Variants in SLC36A2 observed in about 807,000 individuals in gnomAD.
SLC36A2 encodes the protein proton-coupled amino acid transporter 2.
A neutral mutation model predicts 42.7 loss-of-function variants in SLC36A2; 39 were observed. The ratio of observed to expected loss-of-function variants is 0.91; its 90% CI spans 0.71 to 1.19. The LOEUF (loss-of-function observed/expected upper bound fraction) is 1.19, where lower values mean the gene tolerates loss of function less well. Ranked by LOEUF, SLC36A2 falls within the 50% of genes most tolerant of loss-of-function variation. The probability of loss-of-function intolerance (pLI) is 0.00; values close to 1 mark genes in which losing one functional copy is unlikely to be tolerated. For synonymous variants in SLC36A2, 237 were observed against 240.8 expected, an observed-to-expected ratio of 0.98 and a Z score of 0.15; for missense variants, 590 against 613.7, an observed-to-expected ratio of 0.96 and a Z score of 0.41.
At chr5:151,325,705 A>G (rs1580848329) in intron 7 of SLC36A2, among the ~76,000 whole-genome samples, 1 of 152,196 alleles carries the variant, frequency 6.6e-6, no homozygotes, top group African/African-American at 2.4e-5. Context: ...CTTAAAAAAG[A>G]AGGAAGTTTT....
At chr5:151,333,353 C>A in intron 6 of SLC36A2, 31 bp from the exon 7 acceptor site, 1 of 1,583,662 alleles carries the variant, frequency 6.3e-7, no homozygotes, top group South Asian at 1.1e-5. Flanking sequence ...ATGAGACAGT[C>A]ACTCTTAAAG....
At chr5:151,323,396 A>G (rs1474212464) in intron 8 of SLC36A2, among the ~76,000 whole-genome samples, 1 of 152,098 alleles carries the variant, frequency 6.6e-6, no homozygotes, top group Non-Finnish European at 1.5e-5. Context: ...CTCCATTTCC[A>G]TCTGTTCAAA....
Position 151,322,043 on chromosome 5 carries a change from C to G in SLC36A2, c.1180+3G>C. The G allele has an allele frequency of 6.2e-7, 1 of 1,614,174 alleles. No homozygotes were observed. The highest frequency in any genetic ancestry group is 1.1e-5 in the South Asian group (1 of 91,066). ...GGAACACTGCACTCTCCTTTCTACT[C>G]ACATGTCAGGCAGACCATGACGAGG... On this transcript the variant is annotated splice_donor_region_variant and intron_variant, in intron 9 of 9. Coordinates refer to ENST00000335244, the MANE Select transcript of SLC36A2 (RefSeq NM_181776.3).
At chr5:151,324,349 T>TTTA (rs1755792478) in intron 8 of SLC36A2, among the ~76,000 whole-genome samples, 1 of 126,594 alleles carries the variant, frequency 7.9e-6, no homozygotes, top group African/African-American at 2.8e-5. Context: ...TTATTTATTT[T>TTTA]GAGATGGAGT....
chr5:151,347,417 G>A lies in SLC36A2; in HGVS notation c.44C>T (p.Ala15Val). 1 of 1,614,196 alleles carries A rather than the reference G, an allele frequency of 6.2e-7. No individual in the cohort carries two copies. The highest frequency in any genetic ancestry group is 8.5e-7 in the Non-Finnish European group (1 of 1,180,032). Residue 15 changes from alanine (A) to valine (V), a missense_variant, in exon 1 of 10, where the codon GCC becomes GTC. Coordinates refer to ENST00000335244, the MANE Select transcript of SLC36A2 (RefSeq NM_181776.3). Reference protein sequence around the residue: ...KSTEGPQGAVAIKLDLMSPPE... With the variant: ...KSTEGPQGAVVIKLDLMSPPE... ...AGGCGACATAAGGTCCAATTTGATG[G>A]CAACGGCTCCCTGGGGACCCTCAGT...
chr5:151,325,498 A>G, intron 7 of SLC36A2, 46 bp from the exon 8 acceptor site: 1 of 1,603,384 alleles, frequency 6.2e-7, no homozygotes, highest in Non-Finnish European at 8.5e-7. Context: ...TAACATGAAC[A>G]AAAAGAAAAA....
At chr5:151,325,265 C>T (rs779372904) in intron 8 of SLC36A2, 21 bp downstream of exon 8, 3 of 1,611,358 alleles carry the variant, frequency 1.9e-6, no homozygotes, top group Non-Finnish European at 2.5e-6. Context: ...GTCCCCACCA[C>T]CTGACAGCCC....
chr5:151,340,110 GGAA>G (rs1185519365), intron 4 of SLC36A2, among the ~76,000 whole-genome samples: 2 of 131,818 alleles, frequency 1.5e-5, no homozygotes, highest in Non-Finnish European at 1.5e-5. Context: ...AGAAGGAGGA[GGAA>G]GAAGAGGAGG....
intron 7 of SLC36A2, among the ~76,000 whole-genome samples, chr5:151,332,265 T>C (rs990956836): frequency 6.6e-6 from 1 of 152,186 alleles, no homozygotes; most frequent in African/African-American, 2.4e-5. Flanking sequence ...TGATAAGGAT[T>C]TTGTATCTGG....
At chr5:151,342,856 A>AC in intron 4 of SLC36A2, 32 bp downstream of exon 4, 1 of 1,577,708 alleles carries the variant, frequency 6.3e-7, no homozygotes, top group Non-Finnish European at 8.7e-7. Context: ...CCTGTGTCCT[A>AC]CCCCACTGCA....
chr5:151,320,129 A>T (rs895890000), intron 9 of SLC36A2, among the ~76,000 whole-genome samples: 8 of 151,114 alleles, frequency 5.3e-5, no homozygotes, highest in Non-Finnish European at 8.9e-5. Context: ...AGAGATTAAT[A>T]TTTTTTTTTT....
At chr5:151,337,455 GT>G (rs1200148528) in intron 5 of SLC36A2, among the ~76,000 whole-genome samples, 5 of 152,076 alleles carry the variant, frequency 3.3e-5, no homozygotes, top group Non-Finnish European at 1.5e-5. Context: ...AACTTATTAG[GT>G]TTTAGAACAC....
chr5:151,336,483 G>C (rs753397494), intron 5 of SLC36A2, among the ~76,000 whole-genome samples: 11 of 107,836 alleles, frequency 1.0e-4, no homozygotes, highest in Non-Finnish European at 2.0e-4. Context: ...TTTTTTTTGC[G>C]TATAATAAAA....
intron 7 of SLC36A2, 137 bp from the exon 8 acceptor site, chr5:151,325,589 T>C: frequency 1.1e-6 from 1 of 951,152 alleles, no homozygotes. Flanking sequence ...ATGTTCACAG[T>C]AGTGCTATTC....
At chr5:151,342,417 C>G (rs145670869) in intron 4 of SLC36A2, among the ~76,000 whole-genome samples, 1 of 152,322 alleles carries the variant, frequency 6.6e-6, no homozygotes, top group African/African-American at 2.4e-5. Context: ...CTCACCCGTT[C>G]CATCCTAGAA....
chr5:151,316,882 G>C lies in SLC36A2; in HGVS notation c.1387C>G (p.Leu463Val). Residue 463 changes from leucine (L) to valine (V), a missense_variant, in exon 10 of 10, where the codon CTG (leucine) becomes GTG (valine). By Grantham distance (32) the Leu-to-Val change is conservative (BLOSUM62 1). Coordinates refer to ENST00000335244, the MANE Select transcript of SLC36A2 (RefSeq NM_181776.3). ...TCTTCTGACTTGAGCAGCTCGTCCA[G>C]GGCCTGGTAGGTCCCCACCACAAAG... ...VGFVVGTYQA[L>V]DELLKSEDSH... is the part of the protein sequence containing the mutation. The C allele has an allele frequency of 6.2e-7, 1 of 1,614,154 alleles. No individual in the cohort carries two copies. The highest frequency in any genetic ancestry group is 2.2e-5 in the East Asian group (1 of 44,884).
chr5:151,323,628 C>G (rs1755764356), intron 8 of SLC36A2, among the ~76,000 whole-genome samples: 1 of 152,220 alleles, frequency 6.6e-6, no homozygotes, highest in African/African-American at 2.4e-5. Flanking sequence ...TTGAGTTGAC[C>G]TGCCGGACAA....
At chr5:151,320,107 T>G (rs1320782785) in intron 9 of SLC36A2, among the ~76,000 whole-genome samples, 1 of 145,944 alleles carries the variant, frequency 6.9e-6, no homozygotes, top group Non-Finnish European at 1.5e-5. Flanking sequence ...AAAAAAGTTC[T>G]TTGAAGAAGA....
chr5:151,340,290 AGAGGAGGAAGAAGAAGACGAGGAG>A (rs1209416229), intron 4 of SLC36A2, among the ~76,000 whole-genome samples: 6 of 150,984 alleles, frequency 4.0e-5, no homozygotes, highest in Non-Finnish European at 4.4e-5. Flanking sequence ...GAGAAGAGGA[AGAGGAGGAAGAAGAAGACGAGGAG>A]GAGGAGGAGG....
Sources: allele counts gnomAD v4.1 joint callset (sites outside exome capture counted in the v4.1 genomes callset), GRCh38; gene constraint gnomAD v4.1.1; transcripts MANE v1.5; gene names NCBI Gene and HGNC (gene_info 2026-07-23, HGNC 2026-07-21).